Variants in OPCML observed in about 807,000 individuals in gnomAD.
The protein encoded by OPCML is opioid binding protein/cell adhesion molecule like.
In OPCML, 13 loss-of-function variants were observed where a neutral mutation model predicts 37.8. The observed-to-expected ratio is 0.34, with a 90% confidence interval of 0.22 to 0.55. OPCML has a LOEUF of 0.55. OPCML is among the 20% of genes least tolerant of loss of function. The pLI, the probability that OPCML is intolerant of heterozygous loss-of-function variation, is 0.91. For missense variants in OPCML, 341 were observed against 435.6 expected (o/e 0.78, Z 1.93); for synonymous variants, 176 against 168.8 (o/e 1.04, Z -0.33).
At chr11:133,181,150 C>A (rs1356297947) in intron 1 of OPCML, among the ~76,000 whole-genome samples, 1 of 152,062 alleles carries the variant, frequency 6.6e-6, no homozygotes, top group African/African-American at 2.4e-5. Context: ...GTTTGGGGAC[C>A]GGAGCAGAAG....
intron 1 of OPCML, among the ~76,000 whole-genome samples, chr11:133,274,342 A>AT (rs11421055): frequency 0.26 from 39,071 of 152,046 alleles, 6,062 homozygotes; most frequent in East Asian, 0.73. Context: ...CATTAATCCA[A>AT]TATGGCTCGT....
At chr11:132,542,476 T>C (rs890532984) in intron 3 of OPCML, among the ~76,000 whole-genome samples, 5 of 152,138 alleles carry the variant, frequency 3.3e-5, no homozygotes, top group Non-Finnish European at 7.3e-5. Context: ...CCAGTCTCTA[T>C]CCAGGTCTGG....
chr11:133,287,124 T>C (rs750990652), intron 1 of OPCML, among the ~76,000 whole-genome samples: 10 of 152,144 alleles, frequency 6.6e-5, no homozygotes, highest in Admixed American at 1.3e-4. Flanking sequence ...ATATCAACCA[T>C]ATGGCTCATT....
Position 132,842,810 on chromosome 11 carries a change from G to A in OPCML, c.146+100116C>T, listed in dbSNP as rs142753717. On this transcript the variant is annotated intron_variant, in intron 2 of 7. Transcript: ENST00000524381. Reference sequence around the variant, plus strand: ...TGAATCCCATCTTGAACATGACCCCGCCACCCTCTCATTTGACACATGAGA... The same window carrying A: ...TGAATCCCATCTTGAACATGACCCCACCACCCTCTCATTTGACACATGAGA... 2.5e-3 allele frequency among the ~76,000 whole-genome samples: 380 copies of A among 152,214 alleles called. 1 individual carries two copies. The highest frequency in any genetic ancestry group is 3.9e-3 in the South Asian group (19 of 4,820).
intron 3 of OPCML, among the ~76,000 whole-genome samples, chr11:132,558,297 TCCCCTCCTCCTCTC>T (rs2096400853): frequency 1.4e-5 from 1 of 72,614 alleles, no homozygotes; most frequent in Non-Finnish European, 2.6e-5. Flanking sequence ...CTTCCTCTTC[TCCCCTCCTCCTCTC>T]CCCCTCCTCC....
intron 2 of OPCML, among the ~76,000 whole-genome samples, chr11:132,704,072 C>T (rs977225675): frequency 2.0e-5 from 3 of 152,112 alleles, no homozygotes; most frequent in African/African-American, 7.2e-5. Context: ...AGGCCTGTGT[C>T]CTGTGTCTGT....
intron 1 of OPCML, among the ~76,000 whole-genome samples, chr11:133,437,286 A>G (rs1258075396): frequency 1.3e-5 from 2 of 152,182 alleles, no homozygotes; most frequent in East Asian, 3.9e-4. Flanking sequence ...GCCATTATCA[A>G]TAACCTAATA....
At chr11:133,503,916 C>T (rs1452474150) in intron 1 of OPCML, among the ~76,000 whole-genome samples, 1 of 152,140 alleles carries the variant, frequency 6.6e-6, no homozygotes, top group East Asian at 1.9e-4. Context: ...AGGAGATGGA[C>T]AGCCAGAAGT....
chr11:133,417,281 G>A (rs1945789807), intron 1 of OPCML, among the ~76,000 whole-genome samples: 1 of 152,180 alleles, frequency 6.6e-6, no homozygotes, highest in Admixed American at 6.5e-5. Context: ...CAATTGGCAT[G>A]TGTGAACACA....
chr11:133,204,868 G>GTGTATATATATATATATA (rs1435953218), intron 1 of OPCML, among the ~76,000 whole-genome samples: 1 of 117,326 alleles, frequency 8.5e-6, no homozygotes, highest in African/African-American at 2.9e-5. Flanking sequence ...ATATATATGT[G>GTGTATATATATATATATA]TATATATATA....
intron 1 of OPCML, among the ~76,000 whole-genome samples, chr11:133,209,040 C>T (rs1939239932): frequency 1.3e-5 from 2 of 152,186 alleles, no homozygotes; most frequent in African/African-American, 4.8e-5. Context: ...ATCATGAATG[C>T]CTTTCTGGAA....
chr11:133,452,871 G>A (rs1284424267), intron 1 of OPCML, among the ~76,000 whole-genome samples: 4 of 151,544 alleles, frequency 2.6e-5, no homozygotes, highest in Non-Finnish European at 5.9e-5. Flanking sequence ...TAAAAGTTAA[G>A]ACTAACTTAT....
intron 2 of OPCML, among the ~76,000 whole-genome samples, chr11:132,659,890 G>A (rs1452537108): frequency 2.0e-5 from 3 of 152,098 alleles, no homozygotes; most frequent in South Asian, 4.2e-4. Flanking sequence ...GCAGAAAAAT[G>A]TACTTTATGC....
intron 1 of OPCML, among the ~76,000 whole-genome samples, chr11:133,115,841 CAT>C (rs1348377876): frequency 4.7e-5 from 7 of 149,720 alleles, no homozygotes; most frequent in Non-Finnish European, 8.9e-5. Flanking sequence ...TTTGTTTTCA[CAT>C]GTTTACTTCC....
intron 1 of OPCML, among the ~76,000 whole-genome samples, chr11:133,137,744 T>C (rs1362301008): frequency 6.6e-6 from 1 of 152,208 alleles, no homozygotes; most frequent in African/African-American, 2.4e-5. Context: ...CTAAAGGTTG[T>C]CATTGTTTCA....
At chr11:133,228,936 G>A (rs1370174765) in intron 1 of OPCML, among the ~76,000 whole-genome samples, 2 of 152,168 alleles carry the variant, frequency 1.3e-5, no homozygotes, top group Non-Finnish European at 2.9e-5. Context: ...TATGTGCTGA[G>A]GTCTCAATTT....
chr11:133,015,640 A>G (rs1220758328), intron 1 of OPCML, among the ~76,000 whole-genome samples: 2 of 152,208 alleles, frequency 1.3e-5, no homozygotes, highest in Non-Finnish European at 2.9e-5. Flanking sequence ...AGGACTCCCT[A>G]TCACCAAAGC....
At chr11:133,279,103 C>T (rs1942070715) in intron 1 of OPCML, among the ~76,000 whole-genome samples, 1 of 152,204 alleles carries the variant, frequency 6.6e-6, no homozygotes, top group African/African-American at 2.4e-5. Context: ...ATAGGAAGAA[C>T]TGACAATAGA....
chr11:133,474,707 C>T (rs1947197535), intron 1 of OPCML, among the ~76,000 whole-genome samples: 2 of 152,068 alleles, frequency 1.3e-5, no homozygotes, highest in African/African-American at 4.8e-5. Flanking sequence ...CCAGCTCACT[C>T]TGGTTGCCCT....
Sources: allele counts gnomAD v4.1 joint callset (sites outside exome capture counted in the v4.1 genomes callset), GRCh38; gene constraint gnomAD v4.1.1; transcripts MANE v1.5; gene names NCBI Gene and HGNC (gene_info 2026-07-23, HGNC 2026-07-21).